CAAP1: variants seen among roughly 807,000 people sequenced by gnomAD.
The protein encoded by CAAP1 is conserved anti-apoptotic protein.
A neutral mutation model predicts 34.0 loss-of-function variants in CAAP1; 20 were observed. That is an observed-to-expected ratio of 0.59 (90% CI 0.41 to 0.86). The LOEUF (loss-of-function observed/expected upper bound fraction) is 0.86, where lower values mean the gene tolerates loss of function less well. Ranked by LOEUF, CAAP1 falls within the 40% of genes least tolerant of loss-of-function variation. The pLI is 0.00. For synonymous variants in CAAP1, 213 were observed against 166.7 expected (o/e 1.28, Z -2.14); for missense variants, 538 against 450.5 (o/e 1.19, Z -1.76).
chr9:26,858,813 G>A (rs74897898), intron 5 of CAAP1, among the ~76,000 whole-genome samples: 39,599 of 139,134 alleles, frequency 0.28, 6,777 homozygotes, highest in East Asian at 0.72. Flanking sequence ...ACAGAGGGAG[G>A]CTCCATCTCA....
intron 4 of CAAP1, among the ~76,000 whole-genome samples, chr9:26,876,236 G>C (rs1409878517): frequency 6.6e-6 from 1 of 152,040 alleles, no homozygotes; most frequent in East Asian, 1.9e-4. Context: ...TCTGCTTCCA[G>C]CATCTCTTGA....
intron 1 of CAAP1, among the ~76,000 whole-genome samples, chr9:26,891,393 C>CA (rs917140971): frequency 3.9e-5 from 6 of 152,200 alleles, no homozygotes; most frequent in African/African-American, 1.4e-4. Context: ...AATAGGTATT[C>CA]TTATATATAT....
chr9:26,883,279 C>A (rs1350971658), intron 4 of CAAP1, among the ~76,000 whole-genome samples: 1 of 152,118 alleles, frequency 6.6e-6, no homozygotes, highest in Non-Finnish European at 1.5e-5. Flanking sequence ...TGGAAGGGAA[C>A]CAGTGGGAGA....
intron 4 of CAAP1, among the ~76,000 whole-genome samples, chr9:26,871,791 C>T (rs1823281827): frequency 6.6e-6 from 1 of 150,554 alleles, no homozygotes. Context: ...GGCAGGGCGG[C>T]GGGTGCCAAC....
chr9:26,882,797 G>A (rs538449163), intron 4 of CAAP1, among the ~76,000 whole-genome samples: 41 of 152,278 alleles, frequency 2.7e-4, no homozygotes, highest in African/African-American at 6.7e-4. Context: ...AAACAGGCGC[G>A]GGGCTTTCCA....
intron 5 of CAAP1, among the ~76,000 whole-genome samples, chr9:26,852,138 C>A (rs1236337072): frequency 6.2e-5 from 1 of 16,226 alleles, no homozygotes. Flanking sequence ...TGGCTCACTG[C>A]AACCTCTGCC....
intron 5 of CAAP1, among the ~76,000 whole-genome samples, chr9:26,855,595 A>C (rs1334824477): frequency 4.0e-5 from 6 of 151,102 alleles, no homozygotes; most frequent in Admixed American, 4.0e-4. Context: ...AGCTGCTACC[A>C]AAAAAAAAGC....
chr9:26,868,901 T>A (rs1823205320), intron 4 of CAAP1, among the ~76,000 whole-genome samples: 1 of 152,178 alleles, frequency 6.6e-6, no homozygotes, highest in Admixed American at 6.5e-5. Flanking sequence ...AGAAACCACA[T>A]GTAAAAGACC....
At chr9:26,884,656 G>A (rs1823684054) in intron 4 of CAAP1, among the ~76,000 whole-genome samples, 154 bp downstream of exon 4, 1 of 151,902 alleles carries the variant, frequency 6.6e-6, no homozygotes, top group Non-Finnish European at 1.5e-5. Context: ...TATACCAAAA[G>A]GACCAATCAT....
chr9:26,865,171 T>C (rs569410322), intron 4 of CAAP1, among the ~76,000 whole-genome samples: 2 of 152,212 alleles, frequency 1.3e-5, no homozygotes, highest in African/African-American at 2.4e-5. Flanking sequence ...ATTTTTGTAA[T>C]AAATGAAAAA....
chr9:26,859,109 T>C (rs775096057), intron 5 of CAAP1, among the ~76,000 whole-genome samples: 1 of 152,198 alleles, frequency 6.6e-6, no homozygotes, highest in African/African-American at 2.4e-5. Flanking sequence ...TTTGATCTTA[T>C]GTCTTCTCAA....
chr9:26,854,382 T>A (rs1822820530), intron 5 of CAAP1, among the ~76,000 whole-genome samples: 1 of 152,156 alleles, frequency 6.6e-6, no homozygotes. Context: ...CCCAAGTAAG[T>A]TTCCAAAACC....
intron 5 of CAAP1, among the ~76,000 whole-genome samples, chr9:26,853,665 A>G (rs1822806161): frequency 6.6e-6 from 1 of 152,156 alleles, no homozygotes. Flanking sequence ...TGCTGGCAAT[A>G]ATTCACTAGA....
At chr9:26,889,065 C>A (rs1158776483) in intron 1 of CAAP1, among the ~76,000 whole-genome samples, 1 of 152,204 alleles carries the variant, frequency 6.6e-6, no homozygotes, top group Non-Finnish European at 1.5e-5. Flanking sequence ...CAAAACACCA[C>A]ATATTATATA....
chr9:26,850,085 C>T (rs1822710997), intron 5 of CAAP1, among the ~76,000 whole-genome samples: 7 of 152,200 alleles, frequency 4.6e-5, no homozygotes. Context: ...GATCCGCCCC[C>T]TTGGCCTCCC....
chr9:26,886,777 CCA>C (rs777918330), intron 2 of CAAP1, among the ~76,000 whole-genome samples: 2 of 152,186 alleles, frequency 1.3e-5, no homozygotes, highest in African/African-American at 4.8e-5. Context: ...AGAATTATCT[CCA>C]CAGAGTCAAC....
intron 5 of CAAP1, among the ~76,000 whole-genome samples, chr9:26,859,644 A>T (rs1261567823): frequency 1.3e-5 from 2 of 152,172 alleles, no homozygotes; most frequent in Non-Finnish European, 2.9e-5. Flanking sequence ...TATGATTATG[A>T]TTATATTATA....
intron 4 of CAAP1, among the ~76,000 whole-genome samples, chr9:26,876,946 G>C (rs1228530488): frequency 1.3e-5 from 2 of 152,072 alleles, no homozygotes; most frequent in African/African-American, 4.8e-5. Flanking sequence ...TTGAGGCTGG[G>C]AGTTCAAGAC....
Position 26,888,176 on chromosome 9 carries a change from CTGTTAGCAGAA to C in CAAP1, c.304-674_304-664del, listed in dbSNP as rs529286481. ...ATCTGAGGTCTCTTTGTTTTGTACA[CTGTTAGCAGAA>C]TGGATTTTATAAAATGTATACGTAC... On this transcript the variant is annotated intron_variant, in intron 1 of 5. Transcript: ENST00000333916. Among the ~76,000 whole-genome samples the C allele has an allele frequency of 1.4e-3, 215 of 152,302 alleles. 2 individuals carry two copies. Among genetic ancestry groups the C allele is most frequent in the African/African-American group, 5.1e-3 (210 of 41,564 alleles).
Sources: gnomAD v4.1 joint callset for allele counts (sites outside exome capture counted in the v4.1 genomes callset) on GRCh38, gnomAD v4.1.1 for gene constraint, MANE v1.5 for transcripts, NCBI Gene and HGNC (gene_info 2026-07-23, HGNC 2026-07-21) for gene names.